The following SECISBP2L variants were observed in gnomAD, a reference collection of about 807,000 sequenced individuals.
SECISBP2L encodes SECIS binding protein 2 like.
SECISBP2L carries 43 observed loss-of-function variants against 114.7 expected under a neutral mutation model. The ratio of observed to expected loss-of-function variants is 0.38; its 90% CI spans 0.29 to 0.48. The LOEUF (loss-of-function observed/expected upper bound fraction) is 0.48. Ranked by LOEUF, SECISBP2L falls within the 20% of genes least tolerant of loss-of-function variation. SECISBP2L has a pLI of 0.98. For missense variants in SECISBP2L, 1,136 were observed against 1,301.1 expected (o/e 0.87, Z 1.95); for synonymous variants, 451 against 439.7 (o/e 1.03, Z -0.32).
At chr15:49,033,692 A>G (rs1902944435) in intron 3 of SECISBP2L, among the ~76,000 whole-genome samples, 1 of 152,034 alleles carries the variant, frequency 6.6e-6, no homozygotes, top group South Asian at 2.1e-4. Flanking sequence ...CAAACAAACA[A>G]AAAAACAAAG....
Position 49,034,664 on chromosome 15 carries a change from C to CTTTTTTTT in SECISBP2L, c.528+669_528+670insAAAAAAAA, listed in dbSNP as rs745310543. On this transcript the variant is annotated intron_variant, in intron 3 of 17. Coordinates refer to ENST00000559471, the MANE Select transcript of SECISBP2L (RefSeq NM_001193489.2). ...TAACTTTTGAAGATTGAAAGTATAT[C>CTTTTTTTT]TTTTGTTTTTTTTTTTTTGAGACAG... is the stretch of plus-strand genomic sequence containing the variant. Among the ~76,000 whole-genome samples, 22 of 63,370 alleles carry CTTTTTTTT rather than the reference C, an allele frequency of 3.5e-4. 1 individual carries two copies. The highest frequency in any genetic ancestry group is 1.6e-3 in the South Asian group (3 of 1,844). 41.6% of individuals were successfully genotyped at this position (63,370 alleles called of 152,430 possible).
Position 49,019,455 on chromosome 15 carries a change from T to C in SECISBP2L, c.1133A>G (p.His378Arg). 2.0e-6 allele frequency: 3 copies of C among 1,490,626 alleles called. No homozygotes were observed. Among genetic ancestry groups the C allele is most frequent in the Non-Finnish European group, 1.8e-6 (2 of 1,129,498 alleles). 92.3% of individuals were successfully genotyped at this position (1,490,626 alleles called of 1,614,324 possible). A position where few individuals can be genotyped will look rare whatever the true frequency, so the allele number is the denominator to read the frequency against. The change falls in exon 8 of 18, where the codon CAT (histidine) becomes CGT (arginine). Residue 378 changes from histidine to arginine, a missense_variant. His to Arg is a conservative substitution (Grantham distance 29). This residue lies in a region of SECISBP2L where 452 missense variants were observed against 452.3 expected (regional missense o/e 1.00). Transcript: ENST00000559471. The stretch of plus-strand genomic sequence containing the variant: ...AGACTCAGAATTTGGATCGCTTCTA[T>C]GGGATTGACTAGAGCTTAAATGCTT... ...DNKHLSSSQS[H>R]RSDPNSESLY...
chr15:49,028,805 A>C, intron 4 of SECISBP2L, 123 bp from the exon 5 acceptor site: 1 of 805,692 alleles, frequency 1.2e-6, no homozygotes, highest in Non-Finnish European at 2.0e-6. Flanking sequence ...AATAGGTGAC[A>C]ACTTTTTGAA....
At chr15:49,032,779 A>C (rs1333248410) in intron 4 of SECISBP2L, among the ~76,000 whole-genome samples, 186 bp downstream of exon 4, 2 of 152,244 alleles carry the variant, frequency 1.3e-5, no homozygotes, top group Non-Finnish European at 1.5e-5. Context: ...TAAGGCCAGC[A>C]AGCAAATTGA....
Position 48,996,434 on chromosome 15 carries a change from T to G in SECISBP2L, c.2556A>C (p.Ala852=), listed in dbSNP as rs1378675121. Residue 852 remains alanine, a synonymous_variant, in exon 17 of 18, where the codon GCA becomes GCC. Transcript: ENST00000559471. ...CACTGCAGAAAGAAATGGCACTTGC[T>G]GCAGAGGGATTCCGAGAATGTCCCA... ...HHMGHSRNPS[A]ASAISFCSVI... The G allele has an allele frequency of 1.9e-6, 3 of 1,614,170 alleles. No individual in the cohort carries two copies. Among genetic ancestry groups the G allele is most frequent in the South Asian group, 2.2e-5 (2 of 91,086 alleles).
At position 49,011,861 on chromosome 15, in the gene SECISBP2L, A is replaced by T; in HGVS notation, c.1734T>A (p.Val578=). The T allele has an allele frequency of 6.2e-7, 1 of 1,613,908 alleles. No homozygotes were observed. Among genetic ancestry groups the T allele is most frequent in the Non-Finnish European group, 8.5e-7 (1 of 1,179,858 alleles). ...TCTTTTCCTCTCTTTCTTTTAAAATAACCTAAAAGTCATTACACTAGTCTT... is the reference window on the plus strand; with the variant it reads ...TCTTTTCCTCTCTTTCTTTTAAAATTACCTAAAAGTCATTACACTAGTCTT... ...KLKRPTALKK[V]ILKEREEKKG... is the part of the protein sequence containing the mutation. Residue 578 remains valine (V), a splice_region_variant and synonymous_variant, in exon 13 of 18, where the codon GTT becomes GTA. Transcript: ENST00000559471.
intron 17 of SECISBP2L, among the ~76,000 whole-genome samples, chr15:48,994,841 G>GAAAA (rs1566850627): frequency 1.0e-4 from 11 of 108,818 alleles, no homozygotes; most frequent in Non-Finnish European, 1.4e-4. Context: ...TAAGTGCTGG[G>GAAAA]GAAAAAAAAA....
intron 14 of SECISBP2L, among the ~76,000 whole-genome samples, chr15:49,008,460 T>C (rs1044213556): frequency 1.3e-5 from 2 of 152,228 alleles, no homozygotes; most frequent in African/African-American, 4.8e-5. Flanking sequence ...TTCATACATA[T>C]GTAACATTTT....
intron 8 of SECISBP2L, 77 bp downstream of exon 8, chr15:49,019,341 G>T: frequency 8.5e-7 from 1 of 1,172,536 alleles, no homozygotes; most frequent in Non-Finnish European, 1.1e-6. Context: ...TACTCACAAT[G>T]TTCACAATGT....
chr15:49,017,937 C>T (rs1902568177), intron 8 of SECISBP2L: 3 of 235,422 alleles, frequency 1.3e-5, no homozygotes, highest in South Asian at 1.8e-4. Context: ...GGTTTTATCA[C>T]ATTCAGATAA....
intron 17 of SECISBP2L, among the ~76,000 whole-genome samples, chr15:48,994,841 GGAA>G (rs201286566): frequency 0.26 from 28,454 of 108,500 alleles, 3,346 homozygotes; most frequent in Middle Eastern, 0.36. Context: ...TAAGTGCTGG[GGAA>G]AAAAAAAAAA....
At chr15:49,045,737 G>A (rs986931140) in intron 1 of SECISBP2L, among the ~76,000 whole-genome samples, 51 of 152,134 alleles carry the variant, frequency 3.4e-4, no homozygotes, top group Non-Finnish European at 1.2e-4. Flanking sequence ...CTGGATAAAA[G>A]GACAAGGGGA....
chr15:48,999,720 T>G (rs1902164607), intron 16 of SECISBP2L, 113 bp downstream of exon 16: 2 of 1,147,538 alleles, frequency 1.7e-6, no homozygotes, highest in African/African-American at 3.1e-5. Flanking sequence ...CTTTCAGGGT[T>G]GTCAACTCAC....
At chr15:49,018,827 T>A (rs1403896418) in intron 8 of SECISBP2L, among the ~76,000 whole-genome samples, 1 of 152,178 alleles carries the variant, frequency 6.6e-6, no homozygotes, top group Non-Finnish European at 1.5e-5. Flanking sequence ...AAGTATTAGG[T>A]GTGTATATGC....
chr15:49,014,622 A>C (rs961197693), intron 11 of SECISBP2L, among the ~76,000 whole-genome samples: 7 of 151,966 alleles, frequency 4.6e-5, no homozygotes, highest in South Asian at 2.1e-4. Context: ...GTCATCACTG[A>C]CCTGTTTCCA....
intron 4 of SECISBP2L, among the ~76,000 whole-genome samples, chr15:49,032,309 A>G (rs934602919): frequency 6.6e-6 from 1 of 152,216 alleles, no homozygotes; most frequent in Non-Finnish European, 1.5e-5. Context: ...TACTCTACAG[A>G]TAGTTTCTGT....
intron 1 of SECISBP2L, among the ~76,000 whole-genome samples, chr15:49,045,346 C>G (rs1350417140): frequency 3.3e-5 from 5 of 152,166 alleles, no homozygotes; most frequent in Non-Finnish European, 5.9e-5. Context: ...AATTATCCAA[C>G]TGTAAAATTA....
At position 49,016,649 on chromosome 15, in the gene SECISBP2L, T is replaced by G; in HGVS notation, c.1472A>C (p.Asp491Ala). 6.2e-7 allele frequency: 1 copy of G among 1,609,400 alleles called. No homozygotes were observed. Among genetic ancestry groups the G allele is most frequent in the Non-Finnish European group, 8.5e-7 (1 of 1,177,482 alleles). ...GKKNKTPVQL[D>A]LGDMLAALEK... ...CAGAGCAGCTAACATGTCCCCTAAA[T>G]CTAGCTGCACAGGTGTTTTATTCTT... The change falls in exon 11 of 18, where the codon GAT becomes GCT. Residue 491 changes from aspartate to alanine, a missense_variant. Transcript: ENST00000559471.
chr15:49,019,278 C>T (rs1902594958), intron 8 of SECISBP2L, 140 bp downstream of exon 8: 1 of 633,584 alleles, frequency 1.6e-6, no homozygotes, highest in Admixed American at 4.4e-5. Flanking sequence ...TGAGTTAATA[C>T]TTCTGAGTAA....
Sources: allele counts gnomAD v4.1 joint callset (sites outside exome capture counted in the v4.1 genomes callset), GRCh38; gene constraint gnomAD v4.1.1; regional missense constraint gnomAD v4.1.1; transcripts MANE v1.5; gene names NCBI Gene and HGNC (gene_info 2026-07-23, HGNC 2026-07-21).